The following FARP1 variants were observed in gnomAD, a reference collection of about 807,000 sequenced individuals.
FARP1 encodes FERM, ARHGEF and pleckstrin domain-containing protein 1.
Under a neutral mutation model 128.8 loss-of-function variants are expected in FARP1, and 52 were observed. The ratio of observed to expected loss-of-function variants is 0.40; its 90% CI spans 0.32 to 0.51. The LOEUF is 0.51. Ranked by LOEUF, FARP1 falls within the 20% of genes least tolerant of loss-of-function variation. The pLI, the probability that FARP1 is intolerant of heterozygous loss-of-function variation, is 0.45. For synonymous variants in FARP1, 580 were observed against 551.8 expected (o/e 1.05, Z -0.72); for missense variants, 1,333 against 1,367.9 (o/e 0.97, Z 0.40).
chr13:98,218,894 A>T (rs145523968), intron 2 of FARP1, among the ~76,000 whole-genome samples: 2 of 152,344 alleles, frequency 1.3e-5, no homozygotes, highest in East Asian at 3.9e-4. Flanking sequence ...AGTTTTTGAG[A>T]AAAGTAATGA....
At chr13:98,365,346 C>G (rs750403705) in intron 3 of FARP1, 49 bp from the exon 4 acceptor site, 1 of 1,415,550 alleles carries the variant, frequency 7.1e-7, no homozygotes, top group South Asian at 1.2e-5. Context: ...AATACTTGCA[C>G]TCTTTCATTG....
At chr13:98,182,433 C>A (rs1000892208) in intron 1 of FARP1, among the ~76,000 whole-genome samples, 1 of 152,234 alleles carries the variant, frequency 6.6e-6, no homozygotes, top group Admixed American at 6.5e-5. Flanking sequence ...TCAAGTGATC[C>A]TCCTATCTCA....
intron 1 of FARP1, among the ~76,000 whole-genome samples, chr13:98,156,241 ACT>A (rs1046646573): frequency 1.1e-4 from 17 of 152,052 alleles, no homozygotes; most frequent in Admixed American, 2.6e-4. Flanking sequence ...ATAAAAACAT[ACT>A]CTCTGGCAAT....
chr13:98,304,939 G>A (rs947349022), intron 2 of FARP1, among the ~76,000 whole-genome samples: 3 of 152,166 alleles, frequency 2.0e-5, no homozygotes, highest in East Asian at 3.9e-4. Flanking sequence ...TTCTGCTTCC[G>A]AATCTTTCAG....
chr13:98,226,311 G>A (rs1484712071), intron 2 of FARP1, among the ~76,000 whole-genome samples: 2 of 152,150 alleles, frequency 1.3e-5, no homozygotes, highest in South Asian at 2.1e-4. Flanking sequence ...TCATCTTCAC[G>A]TGATTTTCTT....
At chr13:98,218,743 A>G (rs2054858181) in intron 2 of FARP1, among the ~76,000 whole-genome samples, 1 of 151,702 alleles carries the variant, frequency 6.6e-6, no homozygotes, top group Admixed American at 6.6e-5. Context: ...TTTTCATAAA[A>G]CTCACTGCAC....
intron 1 of FARP1, among the ~76,000 whole-genome samples, chr13:98,212,783 G>A (rs1346615534): frequency 6.6e-6 from 1 of 152,134 alleles, no homozygotes; most frequent in African/African-American, 2.4e-5. Flanking sequence ...GAGCTCTGCA[G>A]TGCGCGTTTT....
At chr13:98,238,526 G>C (rs1480369440) in intron 2 of FARP1, among the ~76,000 whole-genome samples, 2 of 152,198 alleles carry the variant, frequency 1.3e-5, no homozygotes, top group South Asian at 2.1e-4. Context: ...TTCCACATGG[G>C]TGGGGAGGCC....
At chr13:98,385,527 T>C in intron 7 of FARP1, 140 bp from the exon 8 acceptor site, 1 of 837,704 alleles carries the variant, frequency 1.2e-6, no homozygotes, top group Middle Eastern at 3.0e-4. Flanking sequence ...AATGGGAGAT[T>C]GGGTGTCATC....
intron 3 of FARP1, among the ~76,000 whole-genome samples, 189 bp from the exon 4 acceptor site, chr13:98,365,206 C>T (rs779885938): frequency 6.6e-6 from 1 of 152,164 alleles, no homozygotes; most frequent in Non-Finnish European, 1.5e-5. Flanking sequence ...GGGATAATAT[C>T]AGCAAATTAG....
chr13:98,143,926 G>T (rs1275043429), intron 1 of FARP1, among the ~76,000 whole-genome samples: 1 of 151,860 alleles, frequency 6.6e-6, no homozygotes, highest in Non-Finnish European at 1.5e-5. Flanking sequence ...GGAGGTGGCC[G>T]CTGGCGCGGA....
intron 8 of FARP1, 83 bp downstream of exon 8, chr13:98,385,897 G>C: frequency 9.8e-6 from 14 of 1,427,222 alleles, no homozygotes; most frequent in Non-Finnish European, 1.1e-5. Context: ...CATATTCAGT[G>C]GGCTAAGACC....
At chr13:98,286,111 T>C (rs546356970) in intron 2 of FARP1, among the ~76,000 whole-genome samples, 1 of 152,286 alleles carries the variant, frequency 6.6e-6, no homozygotes, top group East Asian at 1.9e-4. Context: ...TCACTGTCCC[T>C]TCCACCCAGT....
At chr13:98,287,905 G>T (rs1357450543) in intron 2 of FARP1, among the ~76,000 whole-genome samples, 1 of 149,792 alleles carries the variant, frequency 6.7e-6, no homozygotes, top group Non-Finnish European at 1.5e-5. Context: ...TGGTTCAAGC[G>T]ATTCTTCTGC....
intron 2 of FARP1, among the ~76,000 whole-genome samples, chr13:98,222,423 C>T (rs916392321): frequency 8.5e-5 from 13 of 152,224 alleles, no homozygotes; most frequent in Middle Eastern, 3.4e-3. Flanking sequence ...AGAATAACAC[C>T]GATTAGTCTC....
intron 16 of FARP1, among the ~76,000 whole-genome samples, chr13:98,423,793 T>C (rs1359383544): frequency 6.6e-6 from 1 of 152,228 alleles, no homozygotes; most frequent in African/African-American, 2.4e-5. Flanking sequence ...GCATGGTGTC[T>C]GGTACATGGA....
At chr13:98,184,087 T>G (rs1878702771) in intron 1 of FARP1, among the ~76,000 whole-genome samples, 1 of 152,136 alleles carries the variant, frequency 6.6e-6, no homozygotes, top group South Asian at 2.1e-4. Context: ...GAGAGCAGTG[T>G]CAGACTCAAA....
At chr13:98,300,065 C>T (rs962145264) in intron 2 of FARP1, among the ~76,000 whole-genome samples, 1 of 152,186 alleles carries the variant, frequency 6.6e-6, no homozygotes, top group African/African-American at 2.4e-5. Context: ...TTTATTAAAA[C>T]ACTCCCTCTC....
In FARP1 at chr13:98,274,840, T is replaced by C. The variant is rs376066077; in HGVS notation, c.171+61427T>C. Among the ~76,000 whole-genome samples the C allele has an allele frequency of 5.1e-4, 78 of 152,336 alleles. 1 individual carries two copies. The highest frequency in any genetic ancestry group is 1.9e-3 in the African/African-American group (78 of 41,582). On this transcript the variant is annotated intron_variant, in intron 2 of 26. Coordinates refer to ENST00000319562, the MANE Select transcript of FARP1 (RefSeq NM_005766.4). ...ATCCTTCAAGTAAGTGAAAACCTCC[T>C]TTAATATGTTAGGGTTTTATCTGGA...
Sources: allele counts gnomAD v4.1 joint callset (sites outside exome capture counted in the v4.1 genomes callset), GRCh38; gene constraint gnomAD v4.1.1; transcripts MANE v1.5; gene names NCBI Gene and HGNC (gene_info 2026-07-23, HGNC 2026-07-21).